Variants in GRIN3A observed in about 807,000 individuals in gnomAD.
GRIN3A encodes the protein glutamate receptor ionotropic, NMDA 3A.
GRIN3A carries 47 observed loss-of-function variants against 92.4 expected under a neutral mutation model. The ratio of observed to expected loss-of-function variants is 0.51; its 90% confidence interval spans 0.40 to 0.65. The LOEUF is 0.65. Ranked by LOEUF, GRIN3A falls within the 30% of genes least tolerant of loss-of-function variation. GRIN3A has a pLI of 0.00. For synonymous variants in GRIN3A, 527 were observed against 540.6 expected (o/e 0.97, Z 0.35); for missense variants, 1,324 against 1,393.1 (o/e 0.95, Z 0.79).
Position 101,687,097 on chromosome 9 carries a change from A to C in GRIN3A, c.803T>G (p.Leu268Trp). 6.2e-7 allele frequency: 1 copy of C among 1,614,218 alleles called. No homozygotes were observed. Among genetic ancestry groups the C allele is most frequent in the Non-Finnish European group, 8.5e-7 (1 of 1,180,022 alleles). ...TMNNWYNFSL[L>W]LCQEDWNITD... ...GATGTTCCAGTCTTCCTGGCACAGC[A>C]ACAAGCTAAAATTGTACCAGTTGTT... is the stretch of plus-strand genomic sequence containing the variant. The change falls in exon 2 of 9, where the codon TTG (leucine) becomes TGG (tryptophan). Residue 268 changes from leucine to tryptophan, a missense_variant. Transcript: ENST00000361820.
Position 101,573,218 on chromosome 9 carries a change from C to T in GRIN3A, c.3304G>A (p.Glu1102Lys). The change falls in exon 9 of 9, where the codon GAG (glutamate) becomes AAG (lysine). Residue 1102 changes from glutamate (E) to lysine (K), a missense_variant. Coordinates refer to ENST00000361820, the MANE Select transcript of GRIN3A (RefSeq NM_133445.3). ...CTTGTCCTTTGATACTCCTCCAGCTCCGTTTTCCTGCTCACAGCCAGCTGC... is the reference window on the plus strand; with the variant it reads ...CTTGTCCTTTGATACTCCTCCAGCTTCGTTTTCCTGCTCACAGCCAGCTGC... ...ELQLAVSRKT[E>K]LEEYQRTSRT... is the part of the protein sequence containing the mutation. The T allele has an allele frequency of 6.2e-7, 1 of 1,614,112 alleles. No individual in the cohort carries two copies. Among genetic ancestry groups the T allele is most frequent in the Non-Finnish European group, 8.5e-7 (1 of 1,179,982 alleles).
intron 6 of GRIN3A, among the ~76,000 whole-genome samples, chr9:101,589,195 A>G (rs1442492379): frequency 6.6e-6 from 1 of 151,780 alleles, no homozygotes; most frequent in African/African-American, 2.4e-5. Flanking sequence ...CTGGTCTTGA[A>G]CTCCTGACCT....
At chr9:101,617,376 C>G (rs1828474902) in intron 5 of GRIN3A, among the ~76,000 whole-genome samples, 1 of 152,030 alleles carries the variant, frequency 6.6e-6, no homozygotes, top group South Asian at 2.1e-4. Context: ...TATGATAAAT[C>G]TACATATTCT....
At chr9:101,626,144 C>T (rs1292757915) in intron 4 of GRIN3A, among the ~76,000 whole-genome samples, 1 of 152,186 alleles carries the variant, frequency 6.6e-6, no homozygotes, top group Non-Finnish European at 1.5e-5. Flanking sequence ...TTGTGGTTCA[C>T]AGGGCCCCCA....
At chr9:101,640,761 GA>G (rs1330201269) in intron 3 of GRIN3A, among the ~76,000 whole-genome samples, 5 of 152,104 alleles carry the variant, frequency 3.3e-5, no homozygotes, top group Non-Finnish European at 7.4e-5. Context: ...TTATAAAGAG[GA>G]GGTTCCCTGC....
intron 2 of GRIN3A, among the ~76,000 whole-genome samples, chr9:101,684,324 G>A (rs1365419237): frequency 5.2e-5 from 7 of 134,016 alleles, no homozygotes; most frequent in Non-Finnish European, 1.1e-4. Flanking sequence ...ATATTGGCCA[G>A]GATGGTCTGA....
At chr9:101,663,555 T>C (rs1014034598) in intron 3 of GRIN3A, among the ~76,000 whole-genome samples, 1 of 151,880 alleles carries the variant, frequency 6.6e-6, no homozygotes, top group Non-Finnish European at 1.5e-5. Flanking sequence ...CTTCCCTTCT[T>C]TGTGGCAGCT....
intron 1 of GRIN3A, among the ~76,000 whole-genome samples, chr9:101,708,904 T>A (rs1829842416): frequency 6.6e-6 from 1 of 152,230 alleles, no homozygotes; most frequent in Non-Finnish European, 1.5e-5. Context: ...ATTTTATAAA[T>A]CCCACACAAT....
intron 2 of GRIN3A, among the ~76,000 whole-genome samples, chr9:101,677,725 C>T (rs1482714011): frequency 6.6e-6 from 1 of 152,030 alleles, no homozygotes; most frequent in Non-Finnish European, 1.5e-5. Flanking sequence ...TTTATGATAA[C>T]ATGAATTTGT....
At chr9:101,574,590 A>G (rs898995666) in intron 8 of GRIN3A, among the ~76,000 whole-genome samples, 16 of 152,184 alleles carry the variant, frequency 1.1e-4, no homozygotes, top group African/African-American at 3.4e-4. Flanking sequence ...GAAGAATAAT[A>G]AAGTCTTTAT....
intron 3 of GRIN3A, among the ~76,000 whole-genome samples, chr9:101,669,375 T>C: frequency 6.6e-6 from 1 of 152,070 alleles, no homozygotes; most frequent in East Asian, 1.9e-4. Context: ...CTTCTTCCCT[T>C]AGGGTCAGAT....
chr9:101,665,795 A>G (rs1408343323), intron 3 of GRIN3A, among the ~76,000 whole-genome samples: 1 of 152,020 alleles, frequency 6.6e-6, no homozygotes, highest in Non-Finnish European at 1.5e-5. Context: ...ATTTTGAAAA[A>G]TACTCAAAAA....
At chr9:101,651,636 T>TTTTGTG (rs1554719997) in intron 3 of GRIN3A, among the ~76,000 whole-genome samples, 1 of 145,946 alleles carries the variant, frequency 6.9e-6, no homozygotes, top group African/African-American at 2.5e-5. Context: ...AATAAATCCA[T>TTTTGTG]TGTGTGTGTG....
chr9:101,612,900 A>G (rs2118846403), intron 6 of GRIN3A, among the ~76,000 whole-genome samples: 1 of 152,320 alleles, frequency 6.6e-6, no homozygotes, highest in Middle Eastern at 3.4e-3. Context: ...GTAATCTAAG[A>G]AGTACTCGCT....
chr9:101,590,979 G>T (rs997174810), intron 6 of GRIN3A, among the ~76,000 whole-genome samples: 1 of 152,148 alleles, frequency 6.6e-6, no homozygotes, highest in Non-Finnish European at 1.5e-5. Context: ...AATTGAATTT[G>T]CTGAGGCCAT....
Position 101,670,948 on chromosome 9 carries a change from C to T in GRIN3A, c.1464G>A (p.Lys488=). The T allele has an allele frequency of 2.5e-6, 4 of 1,614,024 alleles. No individual in the cohort carries two copies. The highest frequency in any genetic ancestry group is 3.4e-6 in the Non-Finnish European group (4 of 1,179,948). Residue 488 remains lysine (K), a synonymous_variant, in exon 3 of 9, where the codon AAG becomes AAA. Transcript: ENST00000361820. ...GCCATATTCCATAGTCCATGACAATCTTTCCCCCCTGCCAGCTGCCCAAGC... is the reference window on the plus strand; with the variant it reads ...GCCATATTCCATAGTCCATGACAATTTTTCCCCCCTGCCAGCTGCCCAAGC... ...WTRLGSWQGG[K]IVMDYGIWPE... is the part of the protein sequence containing the mutation.
intron 1 of GRIN3A, among the ~76,000 whole-genome samples, chr9:101,696,419 C>T (rs1829684876): frequency 6.6e-6 from 1 of 152,116 alleles, no homozygotes; most frequent in South Asian, 2.1e-4. Flanking sequence ...AAATCTGATG[C>T]CAACTTCTTA....
intron 5 of GRIN3A, among the ~76,000 whole-genome samples, chr9:101,622,448 G>T (rs2118867607): frequency 6.6e-6 from 1 of 152,300 alleles, no homozygotes; most frequent in East Asian, 1.9e-4. Context: ...CAAACTATCA[G>T]CTCCATATAT....
At chr9:101,592,754 C>CTTTTTTTTTT (rs11331695) in intron 6 of GRIN3A, 1 of 143,178 alleles carries the variant, frequency 7.0e-6, no homozygotes, top group Non-Finnish European at 1.5e-5. Flanking sequence ...AATTTGTGGA[C>CTTTTTTTTTT]TTTTTTTTTT....
Sources: allele counts gnomAD v4.1 joint callset (sites outside exome capture counted in the v4.1 genomes callset), GRCh38; gene constraint gnomAD v4.1.1; transcripts MANE v1.5; gene names NCBI Gene and HGNC (gene_info 2026-07-23, HGNC 2026-07-21).